Variants in ATP8B1 observed in about 807,000 individuals in gnomAD.
ATP8B1 encodes ATPase phospholipid transporting 8B1.
ATP8B1 carries 80 observed loss-of-function variants against 149.9 expected under a neutral mutation model. The ratio of observed to expected loss-of-function variants is 0.53; its 90% CI spans 0.45 to 0.64. ATP8B1 has a LOEUF of 0.64. Ranked by LOEUF, ATP8B1 falls within the 30% of genes least tolerant of loss-of-function variation. The probability of loss-of-function intolerance (pLI) is 0.00; values close to 1 mark genes in which losing one functional copy is unlikely to be tolerated. For synonymous variants in ATP8B1, 536 were observed against 562.8 expected, an observed-to-expected ratio of 0.95 and a Z score of 0.67; for missense variants, 1,247 against 1,552.6, an observed-to-expected ratio of 0.80 and a Z score of 3.31.
In ATP8B1 at chr18:57,669,320, T is replaced by C; in HGVS notation, c.2095A>G (p.Ile699Val). 6.3e-7 allele frequency: 1 copy of C among 1,598,864 alleles called. No homozygotes were observed. The highest frequency in any genetic ancestry group is 8.5e-7 in the Non-Finnish European group (1 of 1,175,090). The change falls in exon 18 of 28, where the codon ATT becomes GTT. Residue 699 changes from isoleucine (I) to valine (V), a missense_variant and splice_region_variant. By Grantham distance (29) the Ile-to-Val change is conservative. Coordinates refer to ENST00000648908, the MANE Select transcript of ATP8B1 (RefSeq NM_001374385.1). ...KVYEEIEKDL[I>V]LLGATAIEDK... Reference sequence around the variant, plus strand: ...AAGTTATTAAGGCTAAAACTCACAATTAAGTCTTTTTCAATCTCCTCATAT... The same window carrying C: ...AAGTTATTAAGGCTAAAACTCACAACTAAGTCTTTTTCAATCTCCTCATAT...
intron 1 of ATP8B1, among the ~76,000 whole-genome samples, chr18:57,788,555 C>CAAA (rs111696334): frequency 2.2e-5 from 3 of 138,380 alleles, no homozygotes; most frequent in African/African-American, 7.9e-5. Context: ...ACTCTTATCT[C>CAAA]AAAAAAAAAA....
In ATP8B1 at chr18:57,784,891, G is replaced by C. The variant is rs892167840; in HGVS notation, c.-26+18107C>G. Among the ~76,000 whole-genome samples, 4 of 152,162 alleles carry C rather than the reference G, an allele frequency of 2.6e-5. No homozygotes were observed. Among genetic ancestry groups the C allele is most frequent in the African/African-American group, 9.7e-5 (4 of 41,440 alleles). On this transcript the variant is annotated intron_variant, in intron 1 of 27. Transcript: ENST00000648908. This position sits in a 1 kb window ranked among gnomAD's most constrained non-coding sequence, Gnocchi z 4.4. ...GACCACTGGACGCTTGTAGCATCCT[G>C]AATTGTGACAACTTAAAATGTTCCC... is the stretch of plus-strand genomic sequence containing the variant.
intron 2 of ATP8B1, among the ~76,000 whole-genome samples, chr18:57,725,348 A>C (rs2123098787): frequency 6.6e-6 from 1 of 152,330 alleles, no homozygotes; most frequent in East Asian, 1.9e-4. Flanking sequence ...TCTGCAATCA[A>C]AACTATAAAT....
At chr18:57,671,385 A>G in intron 17 of ATP8B1, 83 bp downstream of exon 17, 5 of 1,219,250 alleles carry the variant, frequency 4.1e-6, no homozygotes, top group Non-Finnish European at 4.9e-6. Flanking sequence ...AGCAGTTAAC[A>G]TACAGCTTTC....
chr18:57,800,455 A>T (rs1043919108), intron 1 of ATP8B1, among the ~76,000 whole-genome samples: 2 of 152,254 alleles, frequency 1.3e-5, no homozygotes, highest in African/African-American at 4.8e-5. Flanking sequence ...AAAGGTAACT[A>T]GGAAAAATCT....
intron 21 of ATP8B1, among the ~76,000 whole-genome samples, 183 bp from the exon 22 acceptor site, chr18:57,661,645 A>G (rs557385051): frequency 9.5e-5 from 13 of 136,670 alleles, no homozygotes; most frequent in Non-Finnish European, 2.1e-4. Context: ...GTATATACAC[A>G]CGCACACATA....
intron 23 of ATP8B1, 142 bp from the exon 24 acceptor site, chr18:57,654,217 G>T: frequency 1.2e-6 from 1 of 811,574 alleles, no homozygotes; most frequent in Non-Finnish European, 2.1e-6. Context: ...ATGTTGCCTA[G>T]GCTGGCCTCG....
In ATP8B1 at chr18:57,648,600, C is replaced by A; in HGVS notation, c.3644G>T (p.Arg1215Leu). 1 of 1,610,972 alleles carries A rather than the reference C, an allele frequency of 6.2e-7. No homozygotes were observed. The highest frequency in any genetic ancestry group is 8.5e-7 in the Non-Finnish European group (1 of 1,179,704). ...RRSAYAFSHQ[R>L]GYADLISSGR... ...GGAGGAGATGAGGTCCGCGTAGCCC[C>A]GCTGGTGCGAGAAGGCGTAGGCCGA... The change falls in exon 28 of 28, where the codon CGG (arginine) becomes CTG (leucine). Residue 1215 changes from arginine (R) to leucine (L), a missense_variant. By Grantham distance (102) the Arg-to-Leu change is moderately radical. This residue lies in a region of ATP8B1 where 164 missense variants were observed against 160.3 expected (regional missense o/e 1.02). Coordinates refer to ENST00000648908, the MANE Select transcript of ATP8B1 (RefSeq NM_001374385.1).
intron 10 of ATP8B1, among the ~76,000 whole-genome samples, 162 bp from the exon 11 acceptor site, chr18:57,694,832 C>G (rs1438374545): frequency 6.6e-6 from 1 of 152,024 alleles, no homozygotes; most frequent in African/African-American, 2.4e-5. Flanking sequence ...GGGTTCGAGG[C>G]CAGCCTGGCC....
At chr18:57,704,748 C>T in intron 3 of ATP8B1, 80 bp from the exon 4 acceptor site, 3 of 871,930 alleles carry the variant, frequency 3.4e-6, no homozygotes, top group Non-Finnish European at 5.7e-6. Flanking sequence ...TCACAAGTCC[C>T]ACAGCTTACA....
Position 57,733,097 on chromosome 18 carries a change from C to T in ATP8B1, c.-25-1265G>A, listed in dbSNP as rs577727273. The stretch of plus-strand genomic sequence containing the variant: ...TGAGCATCTACCGCATAAGATGACC[C>T]CATACAAGTGAGAAGAACAACCTTA... On this transcript the variant is annotated intron_variant, in intron 1 of 27. Coordinates refer to ENST00000648908, the MANE Select transcript of ATP8B1 (RefSeq NM_001374385.1). Among the ~76,000 whole-genome samples the T allele has an allele frequency of 2.8e-4, 42 of 152,238 alleles. 1 individual carries two copies. The South Asian group carries it at 7.0e-3, about 26-fold the overall frequency.
At chr18:57,775,660 T>C (rs1008134034) in intron 1 of ATP8B1, among the ~76,000 whole-genome samples, 1 of 150,430 alleles carries the variant, frequency 6.6e-6, no homozygotes, top group Non-Finnish European at 1.5e-5. Flanking sequence ...TTTTTTTTTT[T>C]TGAAATGGAG....
chr18:57,711,359 A>G (rs1568206703), intron 2 of ATP8B1, among the ~76,000 whole-genome samples: 1 of 152,228 alleles, frequency 6.6e-6, no homozygotes, highest in Non-Finnish European at 1.5e-5. Flanking sequence ...AATTACCTCC[A>G]AATTACACTG....
At chr18:57,754,447 T>A (rs78292599) in intron 1 of ATP8B1, among the ~76,000 whole-genome samples, 766 of 13,734 alleles carry the variant, frequency 0.056, 4 homozygotes, top group Middle Eastern at 0.21. Context: ...AACAAAAAAA[T>A]ATATATATAT....
chr18:57,741,924 C>T (rs3865422), intron 1 of ATP8B1, among the ~76,000 whole-genome samples: 71,555 of 151,964 alleles, frequency 0.47, 17,734 homozygotes, highest in Non-Finnish European at 0.56. Flanking sequence ...GGCTGGAGTC[C>T]AGTGGTGTGA....
intron 22 of ATP8B1, among the ~76,000 whole-genome samples, chr18:57,660,268 G>A (rs1910304948): frequency 6.6e-6 from 1 of 152,118 alleles, no homozygotes. Context: ...CTAGCATCCA[G>A]AAAAAGGCAG....
In ATP8B1 at chr18:57,688,284, A is replaced by T; in HGVS notation, c.1429+15T>A. 1.9e-6 allele frequency: 3 copies of T among 1,612,462 alleles called. No individual in the cohort carries two copies. The highest frequency in any genetic ancestry group is 2.5e-6 in the Non-Finnish European group (3 of 1,178,864). On this transcript the variant is annotated intron_variant, in intron 13 of 27. Coordinates refer to ENST00000648908, the MANE Select transcript of ATP8B1 (RefSeq NM_001374385.1). ...GCCCCACTCACCCAGAAAATGAGTG[A>T]CGGCTTCCACTTACCATATATCTGC...
chr18:57,732,965 T>G (rs2079804289), intron 1 of ATP8B1, among the ~76,000 whole-genome samples: 1 of 151,616 alleles, frequency 6.6e-6, no homozygotes, highest in Non-Finnish European at 1.5e-5. Flanking sequence ...ATACAACATT[T>G]TTAATATAAC....
At chr18:57,695,034 A>AG (rs1912733163) in intron 10 of ATP8B1, 137 bp downstream of exon 10, 1 of 577,822 alleles carries the variant, frequency 1.7e-6, no homozygotes, top group Non-Finnish European at 2.7e-6. Flanking sequence ...TGTCTCAAAA[A>AG]AAAAAAAAAA....
Sources: allele counts gnomAD v4.1 joint callset (sites outside exome capture counted in the v4.1 genomes callset), GRCh38; gene constraint gnomAD v4.1.1; regional missense constraint gnomAD v4.1.1; non-coding constraint Gnocchi (gnomAD v3.1); transcripts MANE v1.5; gene names NCBI Gene and HGNC (gene_info 2026-07-23, HGNC 2026-07-21).